INPP5E: variants seen among roughly 807,000 people sequenced by gnomAD.
INPP5E encodes the protein phosphatidylinositol polyphosphate 5-phosphatase type IV.
A neutral mutation model predicts 50.5 loss-of-function variants in INPP5E; 34 were observed. The observed-to-expected ratio is 0.67, with a 90% CI of 0.51 to 0.90. The LOEUF (loss-of-function observed/expected upper bound fraction) is 0.90. Ranked by LOEUF, INPP5E falls within the 40% of genes least tolerant of loss-of-function variation. The pLI, the probability that INPP5E is intolerant of heterozygous loss-of-function variation, is 0.00. For synonymous variants in INPP5E, 447 were observed against 406.0 expected, an observed-to-expected ratio of 1.10 and a Z score of -1.21; for missense variants, 942 against 905.5, an observed-to-expected ratio of 1.04 and a Z score of -0.52.
At chr9:136,431,207 G>GCCCCCCCCCCCCCCCCCCCCCCCCCC in intron 7 of INPP5E, 90 bp from the exon 8 acceptor site, 1 of 683,536 alleles carries the variant, frequency 1.5e-6, no homozygotes. Context: ...CTCCCACCAC[G>GCCCCCCCCCCCCCCCCCCCCCCCCCC]CCCACCCTCC....
At position 136,438,724 on chromosome 9, in the gene INPP5E, G is replaced by A. The variant is rs536052945; in HGVS notation, c.696C>T (p.Ser232=). 14 of 1,609,802 alleles carry A rather than the reference G, an allele frequency of 8.7e-6. No homozygotes were observed. The highest frequency in any genetic ancestry group is 2.7e-5 in the African/African-American group (2 of 74,996). ...TCCGCGGCCGGCCGGGGCCCAGGCT[G>A]CTGTGGGCCCGCACCAGGAGCGGCT... is the stretch of plus-strand genomic sequence containing the variant. ...RAQPLLVRAH[S]SLGPGRPRSP... The change falls in exon 1 of 10, where the codon AGC becomes AGT. Residue 232 remains serine (S), a synonymous_variant. Coordinates refer to ENST00000371712, the MANE Select transcript of INPP5E (RefSeq NM_019892.6).
In INPP5E at chr9:136,438,726, T is replaced by A. The variant is rs769831459; in HGVS notation, c.694A>T (p.Ser232Cys). 6.2e-7 allele frequency: 1 copy of A among 1,610,086 alleles called. No homozygotes were observed. Among genetic ancestry groups the A allele is most frequent in the Non-Finnish European group, 8.5e-7 (1 of 1,178,754 alleles). The change falls in exon 1 of 10, where the codon AGC (serine) becomes TGC (cysteine). Residue 232 changes from serine to cysteine, a missense_variant. Ser to Cys is a moderately radical substitution (Grantham distance 112). Transcript: ENST00000371712. ...CGCGGCCGGCCGGGGCCCAGGCTGCTGTGGGCCCGCACCAGGAGCGGCTGC... is the reference window on the plus strand; with the variant it reads ...CGCGGCCGGCCGGGGCCCAGGCTGCAGTGGGCCCGCACCAGGAGCGGCTGC... ...RAQPLLVRAH[S>C]SLGPGRPRSP...
At chr9:136,434,716 C>A in intron 2 of INPP5E, 24 bp downstream of exon 2, 2 of 1,601,992 alleles carry the variant, frequency 1.2e-6, no homozygotes, top group South Asian at 2.2e-5. Flanking sequence ...CCTTCCCCGC[C>A]CAGCACCACC....
chr9:136,433,066 C>T lies in INPP5E; in HGVS notation c.1169G>A (p.Cys390Tyr). Residue 390 changes from cysteine (C) to tyrosine (Y), a missense_variant, in exon 5 of 10, where the codon TGC becomes TAC. By Grantham distance (194) the Cys-to-Tyr change is radical (BLOSUM62 -2). Coordinates refer to ENST00000371712, the MANE Select transcript of INPP5E (RefSeq NM_019892.6). ...CACGATGCGTGTGGTCACCGTGGAG[C>T]ACTCCACCTCTGTGGGAGGGGCAGC... The part of the protein sequence containing the change: ...DLIWFCSEVE[C>Y]STVTTRIVSQ... 6.2e-7 allele frequency: 1 copy of T among 1,613,148 alleles called. No homozygotes were observed. Among genetic ancestry groups the T allele is most frequent in the African/African-American group, 1.3e-5 (1 of 74,912 alleles).
intron 8 of INPP5E, 31 bp from the exon 9 acceptor site, chr9:136,430,444 A>G: frequency 6.4e-7 from 1 of 1,552,370 alleles, no homozygotes; most frequent in African/African-American, 1.4e-5. Flanking sequence ...CAGGAGGTCC[A>G]GTTACTTGTG....
At chr9:136,435,514 GTTATTTAT>G (rs146029108) in intron 1 of INPP5E, 1 of 152,858 alleles carries the variant, frequency 6.5e-6, no homozygotes, top group African/African-American at 2.4e-5. Flanking sequence ...CGCCCGGCTA[GTTATTTAT>G]TTATTTTTTA....
At position 136,433,014 on chromosome 9, in the gene INPP5E, C is replaced by T. The variant is rs775567331; in HGVS notation, c.1221G>A (p.Leu407=). 4.3e-6 allele frequency: 7 copies of T among 1,613,530 alleles called. No homozygotes were observed. The African/African-American group carries it at 5.3e-5, about 12-fold the overall frequency. ...IVSQIKTKGA[L]GISFTFFGTS... ...TGCCAAAAAAGGTGAAGCTGATGCC[C>T]AAGGCCCCCTTGGTCTTGATCTGAG... The change falls in exon 5 of 10, where the codon TTG becomes TTA. Residue 407 remains leucine, a synonymous_variant. Transcript: ENST00000371712.
rs778132708 is a variant in INPP5E, at chr9:136,433,058, C to A, written c.1177G>T (p.Val393Leu). Residue 393 changes from valine to leucine, a missense_variant, in exon 5 of 10, where the codon GTG becomes TTG. Coordinates refer to ENST00000371712, the MANE Select transcript of INPP5E (RefSeq NM_019892.6). ...WFCSEVECST[V>L]TTRIVSQIKT... ...ATCTGAGACACGATGCGTGTGGTCACCGTGGAGCACTCCACCTCTGTGGGA... is the reference window on the plus strand; with the variant it reads ...ATCTGAGACACGATGCGTGTGGTCAACGTGGAGCACTCCACCTCTGTGGGA... 6.2e-7 allele frequency: 1 copy of A among 1,612,928 alleles called. No individual in the cohort carries two copies. The highest frequency in any genetic ancestry group is 2.2e-5 in the East Asian group (1 of 44,880).
Position 136,429,108 on chromosome 9 carries a change from C to T in INPP5E, c.*567G>A, listed in dbSNP as rs1377558356. ...GCAGCCAAGTGGAGGGGAACCGTGC[C>T]ACGTCCTGGAGGCTGTGTGGCTTCC... On this transcript the variant is annotated 3_prime_UTR_variant, in exon 10 of 10. Coordinates refer to ENST00000371712, the MANE Select transcript of INPP5E (RefSeq NM_019892.6). 2 of 181,236 alleles carry T rather than the reference C, an allele frequency of 1.1e-5. No individual in the cohort carries two copies. The highest frequency in any genetic ancestry group is 2.4e-5 in the Non-Finnish European group (2 of 84,380). 11.2% of individuals were successfully genotyped at this position (181,236 alleles called of 1,614,324 possible). A position where few individuals can be genotyped will look rare whatever the true frequency, so the allele number is the denominator to read the frequency against.
chr9:136,432,816 T>C, intron 5 of INPP5E, 140 bp downstream of exon 5: 1 of 1,200,006 alleles, frequency 8.3e-7, no homozygotes, highest in Non-Finnish European at 1.2e-6. Context: ...GGCGTGCATC[T>C]TAGCAAGCGT....
chr9:136,435,466 C>A (rs1321167143), intron 1 of INPP5E: 1 of 153,404 alleles, frequency 6.5e-6, no homozygotes, highest in East Asian at 1.9e-4. Context: ...CCTGCCTCAG[C>A]CTCCCGAGTA....
chr9:136,431,265 G>GC (rs1297862142), intron 7 of INPP5E, 148 bp from the exon 8 acceptor site: 1 of 307,176 alleles, frequency 3.3e-6, no homozygotes, highest in Non-Finnish European at 6.2e-6. Context: ...CGCCACGCCC[G>GC]CCCCCCCAGG....
At position 136,438,748 on chromosome 9, in the gene INPP5E, C is replaced by T. The variant is rs2131617876; in HGVS notation, c.672G>A (p.Gln224=). The part of the protein sequence containing the change: ...SDLADYKLRA[Q]PLLVRAHSSL... Reference sequence around the variant, plus strand: ...TGCTGTGGGCCCGCACCAGGAGCGGCTGCGCGCGGAGCTTGTAGTCTGCAA... The same window carrying T: ...TGCTGTGGGCCCGCACCAGGAGCGGTTGCGCGCGGAGCTTGTAGTCTGCAA... The change falls in exon 1 of 10, where the codon CAG becomes CAA. Residue 224 remains glutamine (Q), a synonymous_variant. Coordinates refer to ENST00000371712, the MANE Select transcript of INPP5E (RefSeq NM_019892.6). 2.5e-6 allele frequency: 4 copies of T among 1,611,442 alleles called. No homozygotes were observed. The East Asian group carries it at 8.9e-5, about 36-fold the overall frequency.
In INPP5E at chr9:136,438,850, G is replaced by A. The variant is rs751744722; in HGVS notation, c.570C>T (p.Pro190=). Residue 190 remains proline (P), a synonymous_variant, in exon 1 of 10, where the codon CCC becomes CCT. Coordinates refer to ENST00000371712, the MANE Select transcript of INPP5E (RefSeq NM_019892.6). Reference sequence around the variant, plus strand: ...GGCTCAGGGCAGGCGGTGGGCGCGGGGGCAGCAGGCTGGGCAGCCTGGGCG... The same window carrying A: ...GGCTCAGGGCAGGCGGTGGGCGCGGAGGCAGCAGGCTGGGCAGCCTGGGCG... ...GSSPRLPSLL[P]PRPPPALSLD... The A allele has an allele frequency of 6.2e-7, 1 of 1,605,214 alleles. No individual in the cohort carries two copies. The highest frequency in any genetic ancestry group is 1.3e-5 in the African/African-American group (1 of 74,774).
rs1835687947 is a variant in INPP5E, at chr9:136,431,073, G to A, written c.1594C>T (p.Pro532Ser). ...GFQEPDIHFLPSYKFDIGKDT... is the reference protein window; with the variant it reads ...GFQEPDIHFLSSYKFDIGKDT... ...TTCCCGATGTCAAACTTGTATGATG[G>A]GAGGAAGTGGATGTCCGGCTCCTGG... The change falls in exon 8 of 10, where the codon CCA (proline) becomes TCA (serine). Residue 532 changes from proline (P) to serine (S), a missense_variant. Pro to Ser is a moderately conservative substitution (Grantham distance 74). Coordinates refer to ENST00000371712, the MANE Select transcript of INPP5E (RefSeq NM_019892.6). 1.2e-6 allele frequency: 2 copies of A among 1,613,170 alleles called. No homozygotes were observed. Among genetic ancestry groups the A allele is most frequent in the Non-Finnish European group, 8.5e-7 (1 of 1,179,700 alleles).
At chr9:136,432,084 G>T in intron 6 of INPP5E, 99 bp from the exon 7 acceptor site, 1 of 1,477,862 alleles carries the variant, frequency 6.8e-7, no homozygotes, top group South Asian at 1.2e-5. Context: ...GGGGAAGTGG[G>T]TCTTGGGCGC....
In INPP5E at chr9:136,439,376, G is replaced by A. The variant is rs2131620295; in HGVS notation, c.44C>T (p.Pro15Leu). ...AENLRPSEPAPQPPEGRTLQG... is the reference protein window; with the variant it reads ...AENLRPSEPALQPPEGRTLQG... ...GAGCGTCCTCCCTTCCGGCGGCTGCGGGGCCGGCTCGGAGGGCCGCAGATT... is the reference window on the plus strand; with the variant it reads ...GAGCGTCCTCCCTTCCGGCGGCTGCAGGGCCGGCTCGGAGGGCCGCAGATT... The change falls in exon 1 of 10, where the codon CCG becomes CTG. Residue 15 changes from proline to leucine, a missense_variant. Pro to Leu is a moderately conservative substitution (Grantham distance 98). Transcript: ENST00000371712. 2.7e-6 allele frequency: 4 copies of A among 1,459,346 alleles called. No homozygotes were observed. In the South Asian group the frequency reaches 5.4e-5, roughly 20 times the overall value. 90.4% of individuals were successfully genotyped at this position (1,459,346 alleles called of 1,614,324 possible). A position where few individuals can be genotyped will look rare whatever the true frequency, so the allele number is the denominator to read the frequency against.
In INPP5E at chr9:136,432,606, G is replaced by T. The variant is rs1416067490; in HGVS notation, c.1280-20C>A. On this transcript the variant is annotated intron_variant, in intron 5 of 9. Transcript: ENST00000371712. ...CACCTGCTGTGGGAACAGAAATGGG[G>T]TAGGGACCACAGGGTTCCGGATGCT... 2 of 1,468,838 alleles carry T rather than the reference G, an allele frequency of 1.4e-6. No individual in the cohort carries two copies. The highest frequency in any genetic ancestry group is 2.8e-5 in the African/African-American group (2 of 71,490). 91.0% of individuals were successfully genotyped at this position (1,468,838 alleles called of 1,614,324 possible). A position where few individuals can be genotyped will look rare whatever the true frequency, so the allele number is the denominator to read the frequency against.
At chr9:136,436,189 C>G (rs900671359) in intron 1 of INPP5E, 1 of 152,290 alleles carries the variant, frequency 6.6e-6, no homozygotes, top group African/African-American at 2.4e-5. Flanking sequence ...ACCCCTAAAA[C>G]TGTCGACAAT....
Sources: gnomAD v4.1 joint callset for allele counts on GRCh38, gnomAD v4.1.1 for gene constraint, MANE v1.5 for transcripts, NCBI Gene and HGNC (gene_info 2026-07-23, HGNC 2026-07-21) for gene names.